Variants in UHRF2 observed in about 807,000 individuals in gnomAD.
The protein encoded by UHRF2 is ubiquitin like with PHD and ring finger domains 2.
In UHRF2, 23 loss-of-function variants were observed where a neutral mutation model predicts 96.8. That is an observed-to-expected ratio of 0.24 (90% CI 0.17 to 0.34). UHRF2 has a LOEUF of 0.34. UHRF2 is among the 10% of genes least tolerant of loss of function. The pLI, the probability that UHRF2 is intolerant of heterozygous loss-of-function variation, is 1.00. For missense variants in UHRF2, 685 were observed against 981.5 expected, an observed-to-expected ratio of 0.70 and a Z score of 4.04; for synonymous variants, 385 against 332.6, an observed-to-expected ratio of 1.16 and a Z score of -1.72.
chr9:6,421,026 A>G lies in UHRF2; in HGVS notation c.268A>G (p.Lys90Glu). 3 of 1,614,190 alleles carry G rather than the reference A, an allele frequency of 1.9e-6. No homozygotes were observed. Among genetic ancestry groups the G allele is most frequent in the Non-Finnish European group, 2.5e-6 (3 of 1,180,024 alleles). The change falls in exon 2 of 16, where the codon AAA (lysine) becomes GAA (glutamate). Residue 90 changes from lysine (K) to glutamate (E), a missense_variant. Transcript: ENST00000276893. ...TGGCACATCTACACAGATTGAGGCT[A>G]AACCCTGTTCTAATAGTCCACCTAA... is the stretch of plus-strand genomic sequence containing the variant. ...LPGTSTQIEA[K>E]PCSNSPPKVK... is the part of the protein sequence containing the mutation.
chr9:6,481,601 T>C, intron 6 of UHRF2, 42 bp from the exon 7 acceptor site: 2 of 1,597,748 alleles, frequency 1.3e-6, no homozygotes, highest in South Asian at 2.3e-5. Flanking sequence ...AGCTTTAATA[T>C]GGTATTGTGA....
chr9:6,499,776 C>T (rs1825170057), intron 12 of UHRF2, 59 bp from the exon 13 acceptor site: 7 of 1,082,640 alleles, frequency 6.5e-6, no homozygotes, highest in Admixed American at 2.4e-5. Context: ...AGGATCTAAA[C>T]CCCCCTTCTC....
intron 3 of UHRF2, 65 bp from the exon 4 acceptor site, chr9:6,460,508 G>A: frequency 7.2e-7 from 1 of 1,385,540 alleles, no homozygotes; most frequent in Non-Finnish European, 9.9e-7. Flanking sequence ...AGGTTTTTCT[G>A]TACATTGCAT....
chr9:6,472,537 C>G (rs1477557648), intron 4 of UHRF2, among the ~76,000 whole-genome samples: 1 of 152,138 alleles, frequency 6.6e-6, no homozygotes, highest in African/African-American at 2.4e-5. Flanking sequence ...CCTAAGGAAT[C>G]TTCAGGAGAA....
intron 9 of UHRF2, 90 bp downstream of exon 9, chr9:6,487,015 G>A: frequency 8.2e-7 from 1 of 1,216,736 alleles, no homozygotes; most frequent in Non-Finnish European, 1.2e-6. Context: ...AAATACTGTT[G>A]TGTCTTTTTA....
intron 2 of UHRF2, among the ~76,000 whole-genome samples, chr9:6,425,891 A>G (rs891270738): frequency 1.3e-5 from 2 of 152,236 alleles, no homozygotes; most frequent in African/African-American, 4.8e-5. Flanking sequence ...TAACCTGTGT[A>G]TATATACATC....
intron 3 of UHRF2, among the ~76,000 whole-genome samples, chr9:6,459,218 AAAG>A (rs1822372403): frequency 2.6e-5 from 4 of 152,124 alleles, no homozygotes; most frequent in African/African-American, 9.7e-5. Flanking sequence ...AATTTTAAAA[AAAG>A]AAAGAAAGAA....
chr9:6,489,814 A>G (rs764668067), intron 9 of UHRF2, among the ~76,000 whole-genome samples: 12 of 151,658 alleles, frequency 7.9e-5, no homozygotes, highest in South Asian at 4.1e-4. Context: ...AGATGAATCA[A>G]TATGAGTAGT....
At chr9:6,421,196 C>A in intron 2 of UHRF2, 54 bp downstream of exon 2, 2 of 1,344,338 alleles carry the variant, frequency 1.5e-6, no homozygotes, top group East Asian at 2.5e-5. Context: ...AATTTATTTT[C>A]TGTTCAGGAT....
At chr9:6,419,585 GA>G (rs1440986320) in intron 1 of UHRF2, among the ~76,000 whole-genome samples, 1 of 152,036 alleles carries the variant, frequency 6.6e-6, no homozygotes, top group Non-Finnish European at 1.5e-5. Flanking sequence ...ATGTCTTTAT[GA>G]AAAATAAGGT....
At chr9:6,498,188 G>C in intron 12 of UHRF2, 30 bp downstream of exon 12, 1 of 1,604,420 alleles carries the variant, frequency 6.2e-7, no homozygotes, top group Non-Finnish European at 8.5e-7. Flanking sequence ...GGCTGCCTGT[G>C]TGTTCATAAA....
intron 14 of UHRF2, chr9:6,504,319 C>T (rs891470526): frequency 6.9e-5 from 14 of 202,466 alleles, no homozygotes; most frequent in Non-Finnish European, 1.3e-4. Context: ...GCCACCGCGC[C>T]CGGCCTCTAA....
chr9:6,488,919 T>A (rs1824487051), intron 9 of UHRF2, among the ~76,000 whole-genome samples: 1 of 152,070 alleles, frequency 6.6e-6, no homozygotes, highest in African/African-American at 2.4e-5. Context: ...TTCAAGTGAT[T>A]CTCCTGGTGC....
chr9:6,468,136 G>T (rs1451729842), intron 4 of UHRF2, among the ~76,000 whole-genome samples: 4 of 151,994 alleles, frequency 2.6e-5, no homozygotes, highest in African/African-American at 9.7e-5. Context: ...ACAAGTATCG[G>T]CCTATTAGAT....
At chr9:6,461,495 C>T (rs1409671230) in intron 4 of UHRF2, among the ~76,000 whole-genome samples, 3 of 151,288 alleles carry the variant, frequency 2.0e-5, no homozygotes, top group Non-Finnish European at 2.9e-5. Flanking sequence ...GCCTCAGCCT[C>T]CCAAGTAGCT....
At position 6,451,538 on chromosome 9, in the gene UHRF2, G is replaced by A. The variant is rs371491767; in HGVS notation, c.645-9035G>A. On this transcript the variant is annotated intron_variant, in intron 3 of 15. Transcript: ENST00000276893. Reference sequence around the variant, plus strand: ...GTCGCCCAGGTTGGAGTGCAGTGGCGCGATCTCGGCTCACTGCAGGCTCCG... The same window carrying A: ...GTCGCCCAGGTTGGAGTGCAGTGGCACGATCTCGGCTCACTGCAGGCTCCG... Among the ~76,000 whole-genome samples, 441 of 150,120 alleles carry A rather than the reference G, an allele frequency of 2.9e-3. 2 individuals carry two copies. Among genetic ancestry groups the A allele is most frequent in the African/African-American group, 0.01 (412 of 40,762 alleles).
intron 3 of UHRF2, among the ~76,000 whole-genome samples, chr9:6,458,197 A>G (rs553253897): frequency 7.9e-5 from 12 of 152,226 alleles, no homozygotes; most frequent in African/African-American, 2.4e-4. Context: ...TTATTGGTCT[A>G]TTTAGGGATT....
chr9:6,418,041 T>A (rs2065075), intron 1 of UHRF2, among the ~76,000 whole-genome samples: 106,061 of 152,162 alleles, frequency 0.7, 39,610 homozygotes, highest in South Asian at 0.83. Context: ...TAGTTTTTTT[T>A]AATTATCTTT....
At chr9:6,428,231 T>G (rs1357267617) in intron 2 of UHRF2, among the ~76,000 whole-genome samples, 1 of 152,190 alleles carries the variant, frequency 6.6e-6, no homozygotes, top group East Asian at 1.9e-4. Context: ...CCTTTTTGAT[T>G]ATGAAATGTA....
Sources: gnomAD v4.1 joint callset for allele counts (sites outside exome capture counted in the v4.1 genomes callset) on GRCh38, gnomAD v4.1.1 for gene constraint, MANE v1.5 for transcripts, NCBI Gene and HGNC (gene_info 2026-07-23, HGNC 2026-07-21) for gene names.